Variants in RNF212B observed in about 807,000 individuals in gnomAD.
The protein encoded by RNF212B is E3 ubiquitin-protein ligase RNF212B.
RNF212B carries 52 observed loss-of-function variants against 55.5 expected under a neutral mutation model. That is an observed-to-expected ratio of 0.94 (90% CI 0.75 to 1.18). The LOEUF is 1.18. Ranked by LOEUF, RNF212B falls within the 50% of genes most tolerant of loss-of-function variation. The pLI is 0.00. For synonymous variants in RNF212B, 99 were observed against 121.4 expected (o/e 0.82, Z 1.21); for missense variants, 289 against 350.4 (o/e 0.82, Z 1.40).
intron 9 of RNF212B, among the ~76,000 whole-genome samples, chr14:23,263,859 G>A (rs1267490209): frequency 2.6e-5 from 4 of 152,096 alleles, no homozygotes; most frequent in Non-Finnish European, 4.4e-5. Flanking sequence ...AGGCTGAGGC[G>A]AGTGGATCAT....
chr14:23,214,827 C>T (rs150902568), intron 2 of RNF212B, among the ~76,000 whole-genome samples: 5 of 151,976 alleles, frequency 3.3e-5, no homozygotes, highest in African/African-American at 9.7e-5. Flanking sequence ...ATGGCTGAAA[C>T]CTTTCCAAAT....
chr14:23,250,258 C>G (rs1300000630), intron 4 of RNF212B, among the ~76,000 whole-genome samples: 2 of 152,030 alleles, frequency 1.3e-5, no homozygotes, highest in Non-Finnish European at 2.9e-5. Context: ...GGGGGTGGAT[C>G]ACTTGAGGTC....
intron 4 of RNF212B, among the ~76,000 whole-genome samples, chr14:23,257,624 C>G (rs1440770987): frequency 6.6e-6 from 1 of 152,132 alleles, no homozygotes; most frequent in African/African-American, 2.4e-5. Flanking sequence ...GCTGTGTACT[C>G]AAAAGTAGAG....
intron 2 of RNF212B, among the ~76,000 whole-genome samples, chr14:23,204,997 A>G (rs28872333): frequency 2.0e-5 from 3 of 151,820 alleles, no homozygotes; most frequent in Non-Finnish European, 4.4e-5. Context: ...AAAAGTTTTA[A>G]CTCAGTTTTT....
At chr14:23,197,193 T>G (rs1878803464) in intron 2 of RNF212B, among the ~76,000 whole-genome samples, 1 of 152,200 alleles carries the variant, frequency 6.6e-6, no homozygotes, top group African/African-American at 2.4e-5. Flanking sequence ...TATTAGTACA[T>G]AAGTGGTCAC....
chr14:23,226,026 G>A (rs561633770), intron 2 of RNF212B, among the ~76,000 whole-genome samples: 66 of 152,120 alleles, frequency 4.3e-4, no homozygotes, highest in Non-Finnish European at 8.1e-4. Context: ...TCGGCTGGGC[G>A]CGGTGGCTCA....
intron 1 of RNF212B, among the ~76,000 whole-genome samples, chr14:23,189,995 T>G (rs115209322): frequency 0.011 from 1,647 of 152,050 alleles, 25 homozygotes; most frequent in African/African-American, 0.036. Flanking sequence ...ACTCTATCAG[T>G]TGGACCACCG....
At chr14:23,232,107 G>A (rs895081972) in intron 2 of RNF212B, among the ~76,000 whole-genome samples, 43 of 147,864 alleles carry the variant, frequency 2.9e-4, no homozygotes, top group African/African-American at 9.6e-4. Context: ...GCTGCCCATC[G>A]TCTGGGATGT....
chr14:23,214,627 C>G (rs564827175), intron 2 of RNF212B, among the ~76,000 whole-genome samples: 52 of 121,060 alleles, frequency 4.3e-4, no homozygotes, highest in African/African-American at 1.6e-3. Context: ...GGATCAATAA[C>G]AGAATGAATA....
At chr14:23,256,934 C>T (rs1884877105) in intron 4 of RNF212B, among the ~76,000 whole-genome samples, 1 of 152,120 alleles carries the variant, frequency 6.6e-6, no homozygotes, top group African/African-American at 2.4e-5. Flanking sequence ...GCAGGTGGAT[C>T]ACGAGGTCAG....
At chr14:23,257,021 C>T (rs1242995650) in intron 4 of RNF212B, among the ~76,000 whole-genome samples, 1 of 151,956 alleles carries the variant, frequency 6.6e-6, no homozygotes, top group Non-Finnish European at 1.5e-5. Context: ...GGCGTGGTGG[C>T]GGACGCCTGT....
chr14:23,266,545 G>T (rs531409886), intron 11 of RNF212B, among the ~76,000 whole-genome samples: 1 of 150,818 alleles, frequency 6.6e-6, no homozygotes, highest in Admixed American at 6.6e-5. Context: ...CCGAGTAGCT[G>T]GGATTACAGG....
intron 2 of RNF212B, among the ~76,000 whole-genome samples, chr14:23,232,628 G>A (rs542278763): frequency 8.0e-5 from 12 of 150,158 alleles, no homozygotes; most frequent in Admixed American, 2.0e-4. Flanking sequence ...CAGCCTCCCC[G>A]TCCGGGAGGG....
At chr14:23,262,882 A>G (rs11625337) in intron 8 of RNF212B, 46 bp from the exon 9 acceptor site, 784,479 of 1,534,464 alleles carry the variant, frequency 0.51, 205,189 homozygotes, top group African/African-American at 0.78. Flanking sequence ...CAAGGCAGGC[A>G]TACCATTGAT....
intron 4 of RNF212B, among the ~76,000 whole-genome samples, chr14:23,245,095 G>A (rs1883894066): frequency 6.6e-6 from 1 of 151,964 alleles, no homozygotes; most frequent in Non-Finnish European, 1.5e-5. Context: ...TCCTATCTTG[G>A]CATATTTCTT....
chr14:23,228,509 G>A (rs1221541982), intron 2 of RNF212B, among the ~76,000 whole-genome samples: 1 of 150,552 alleles, frequency 6.6e-6, no homozygotes, highest in Non-Finnish European at 1.5e-5. Flanking sequence ...GGTGGCATGT[G>A]CCTGTAGTCC....
At chr14:23,222,823 C>T (rs181982364) in intron 2 of RNF212B, among the ~76,000 whole-genome samples, 21 of 151,904 alleles carry the variant, frequency 1.4e-4, no homozygotes, top group Non-Finnish European at 2.2e-4. Flanking sequence ...GAGGCTGAGG[C>T]GGGGGGATCA....
chr14:23,243,268 T>C lies in RNF212B; in HGVS notation c.113T>C (p.Val38Ala). 1 of 1,550,222 alleles carries C rather than the reference T, an allele frequency of 6.5e-7. No homozygotes were observed. The highest frequency in any genetic ancestry group is 8.7e-7 in the Non-Finnish European group (1 of 1,146,958). The change falls in exon 3 of 15, where the codon GTT (valine) becomes GCT (alanine). Residue 38 changes from valine (V) to alanine (A), a missense_variant. By Grantham distance (64) the Val-to-Ala change is moderately conservative. Transcript: ENST00000430154. ...CTTTTCCTCCCAGAAAAATGTGCTGTTTGTGGAACTGCCTGCAAGCATCTG... is the reference window on the plus strand; with the variant it reads ...CTTTTCCTCCCAGAAAAATGTGCTGCTTGTGGAACTGCCTGCAAGCATCTG... ...KKCVTLEKCA[V>A]CGTACKHLAL...
chr14:23,251,606 A>T (rs1021898444), intron 4 of RNF212B, among the ~76,000 whole-genome samples: 1 of 152,214 alleles, frequency 6.6e-6, no homozygotes, highest in Non-Finnish European at 1.5e-5. Context: ...ACCTGAGGTC[A>T]GGAGTTCGAG....
Sources: allele counts gnomAD v4.1 joint callset (sites outside exome capture counted in the v4.1 genomes callset), GRCh38; gene constraint gnomAD v4.1.1; transcripts MANE v1.5; gene names NCBI Gene and HGNC (gene_info 2026-07-23, HGNC 2026-07-21).